The following MAP2K4 variants were observed in gnomAD, a reference collection of about 807,000 sequenced individuals.
MAP2K4 encodes dual specificity mitogen-activated protein kinase kinase 4.
A neutral mutation model predicts 48.5 loss-of-function variants in MAP2K4; 4 were observed. That is an observed-to-expected ratio of 0.08 (90% CI 0.04 to 0.19). The LOEUF (loss-of-function observed/expected upper bound fraction) is 0.19. Ranked by LOEUF, MAP2K4 falls within the 10% of genes least tolerant of loss-of-function variation. The pLI, the probability that MAP2K4 is intolerant of heterozygous loss-of-function variation, is 1.00. For missense variants in MAP2K4, 258 were observed against 493.3 expected (o/e 0.52, Z 4.52); for synonymous variants, 166 against 173.1 (o/e 0.96, Z 0.32).
At chr17:12,123,831 C>A (rs1972769109) in intron 7 of MAP2K4, among the ~76,000 whole-genome samples, 1 of 152,102 alleles carries the variant, frequency 6.6e-6, no homozygotes, top group Non-Finnish European at 1.5e-5. Context: ...GAGGACTTTG[C>A]AGATATCTTC....
chr17:12,042,148 C>T (rs1405507536), intron 1 of MAP2K4, among the ~76,000 whole-genome samples: 2 of 31,748 alleles, frequency 6.3e-5, no homozygotes, highest in Non-Finnish European at 1.2e-4. Context: ...GCCTGGGCAA[C>T]AAGAACGAAA....
At chr17:12,115,967 G>A (rs1029156737) in intron 7 of MAP2K4, 17 of 419,004 alleles carry the variant, frequency 4.1e-5, no homozygotes, top group Non-Finnish European at 2.7e-5. Flanking sequence ...CTCTTTTCTC[G>A]TTCTTTTTAA....
intron 9 of MAP2K4, among the ~76,000 whole-genome samples, chr17:12,133,739 T>C (rs1395946507): frequency 6.6e-6 from 1 of 152,148 alleles, no homozygotes; most frequent in Non-Finnish European, 1.5e-5. Flanking sequence ...AATCCAAAAT[T>C]TATCGTGTGC....
At chr17:12,085,906 G>A (rs1398066444) in intron 3 of MAP2K4, among the ~76,000 whole-genome samples, 1 of 152,086 alleles carries the variant, frequency 6.6e-6, no homozygotes, top group Admixed American at 6.5e-5. Context: ...TCCTGCCACT[G>A]GAGAGACCAT....
chr17:12,081,801 C>T lies in MAP2K4; in HGVS notation c.393+271C>T, dbSNP rs1281277537. ...ATGTTTTAAACTTCAGGCCCTTCTA[C>T]TGCCAAGGTGAGTTCAGGCTGGGCG... On this transcript the variant is annotated intron_variant, in intron 3 of 10. Transcript: ENST00000353533. This position sits in a 1 kb window ranked among gnomAD's most constrained non-coding sequence, Gnocchi z 4.2. The T allele has an allele frequency of 6.2e-6, 3 of 484,086 alleles. No homozygotes were observed. Among genetic ancestry groups the T allele is most frequent in the African/African-American group, 5.8e-5 (3 of 51,534 alleles). 30.0% of individuals were successfully genotyped at this position (484,086 alleles called of 1,614,324 possible). A position where few individuals can be genotyped will look rare whatever the true frequency, so the allele number is the denominator to read the frequency against.
At chr17:12,036,748 T>A (rs1268189868) in intron 1 of MAP2K4, 1 of 152,030 alleles carries the variant, frequency 6.6e-6, no homozygotes, top group Admixed American at 6.6e-5. Context: ...CATTTAAAGA[T>A]CTTTGGGCAT....
At chr17:12,034,067 C>T (rs890904817) in intron 1 of MAP2K4, among the ~76,000 whole-genome samples, 12 of 152,304 alleles carry the variant, frequency 7.9e-5, no homozygotes, top group Admixed American at 3.9e-4. Context: ...AGATTACAGG[C>T]ATGAGCTACC....
intron 4 of MAP2K4, among the ~76,000 whole-genome samples, chr17:12,098,345 G>A (rs562011078): frequency 6.6e-5 from 10 of 152,064 alleles, no homozygotes; most frequent in African/African-American, 1.9e-4. Context: ...AGGCGTGGTG[G>A]CACATGCCTG....
chr17:12,115,842 A>G, intron 7 of MAP2K4: 1 of 710,132 alleles, frequency 1.4e-6, no homozygotes, highest in Non-Finnish European at 2.7e-6. Context: ...CGATGGGAGA[A>G]TAAAACCATG....
intron 4 of MAP2K4, among the ~76,000 whole-genome samples, chr17:12,105,251 G>A (rs1439180877): frequency 6.6e-6 from 1 of 152,002 alleles, no homozygotes; most frequent in Non-Finnish European, 1.5e-5. Context: ...GATTAATTTG[G>A]GAGAATTTGA....
chr17:12,081,205 A>G lies in MAP2K4; in HGVS notation c.219-151A>G, dbSNP rs1971176460. The G allele has an allele frequency of 3.6e-6, 2 of 548,768 alleles. No homozygotes were observed. Among genetic ancestry groups the G allele is most frequent in the African/African-American group, 1.9e-5 (1 of 52,344 alleles). The allele number at this position is 548,768 out of a possible 1,614,324, so 34.0% of individuals were successfully genotyped here. ...TTCTTAATCCAGTGTGTAAAAAACCAGGATGACACAAATGAAAAACTTCAA... is the reference window on the plus strand; with the variant it reads ...TTCTTAATCCAGTGTGTAAAAAACCGGGATGACACAAATGAAAAACTTCAA... On this transcript the variant is annotated intron_variant, in intron 2 of 10. Transcript: ENST00000353533. The surrounding 1 kb of genome is among the most constrained non-coding windows in gnomAD (Gnocchi z 4.2).
chr17:12,126,368 AT>A (rs1166095864), intron 8 of MAP2K4, among the ~76,000 whole-genome samples: 2 of 152,222 alleles, frequency 1.3e-5, no homozygotes, highest in Non-Finnish European at 2.9e-5. Context: ...AAATATCTGT[AT>A]TAGTTCAGGC....
chr17:12,100,392 A>G lies in MAP2K4; in HGVS notation c.513+4698A>G, dbSNP rs117673466. On this transcript the variant is annotated intron_variant, in intron 4 of 10. Transcript: ENST00000353533. ...ATTATCTTGCATTTATCAGTCATTT[A>G]TTTCTTTGTATTGCCAAGTACTATC... 3.7e-3 allele frequency among the ~76,000 whole-genome samples: 569 copies of G among 152,016 alleles called. 1 individual carries two copies. The highest frequency in any genetic ancestry group is 5.4e-3 in the Non-Finnish European group (364 of 67,952).
chr17:12,035,970 T>C (rs1969583542), intron 1 of MAP2K4, among the ~76,000 whole-genome samples: 1 of 152,282 alleles, frequency 6.6e-6, no homozygotes, highest in South Asian at 2.1e-4. Flanking sequence ...TGGAGTTTTA[T>C]TGGAGATGTG....
At chr17:12,115,159 TA>T (rs911521035) in intron 7 of MAP2K4, among the ~76,000 whole-genome samples, 3 of 152,310 alleles carry the variant, frequency 2.0e-5, no homozygotes, top group Non-Finnish European at 4.4e-5. Context: ...TTGTGCAACA[TA>T]AAAAAGTAAA....
intron 1 of MAP2K4, among the ~76,000 whole-genome samples, chr17:12,029,771 A>G (rs1969374329): frequency 6.6e-6 from 1 of 152,010 alleles, no homozygotes; most frequent in Admixed American, 6.6e-5. Flanking sequence ...CAAAAACAAA[A>G]AACAAAAAAC....
chr17:12,081,496 T>C lies in MAP2K4; in HGVS notation c.359T>C (p.Val120Ala), dbSNP rs1971183983. 2 of 1,614,092 alleles carry C rather than the reference T, an allele frequency of 1.2e-6. No homozygotes were observed. The highest frequency in any genetic ancestry group is 1.7e-6 in the Non-Finnish European group (2 of 1,180,010). ...RGAYGSVNKM[V>A]HKPSGQIMAV... ...GCTTATGGTTCTGTCAACAAAATGG[T>C]CCACAAACCAAGTGGGCAAATAATG... is the stretch of plus-strand genomic sequence containing the variant. Residue 120 changes from valine to alanine, a missense_variant, in exon 3 of 11, where the codon GTC becomes GCC. Around this residue, in one of 3 missense-constraint regions of MAP2K4, gnomAD observed 132 missense variants for 352.8 expected, o/e 0.37. Transcript: ENST00000353533. The surrounding 1 kb of genome is among the most constrained non-coding windows in gnomAD (Gnocchi z 4.2).
At chr17:12,110,059 G>A (rs551939996) in intron 5 of MAP2K4, among the ~76,000 whole-genome samples, 283 of 139,500 alleles carry the variant, frequency 2.0e-3, no homozygotes, top group Non-Finnish European at 2.6e-3. Flanking sequence ...AATAAAAAGG[G>A]AAAAAAAAAA....
At chr17:12,093,676 A>G (rs1453704734) in intron 3 of MAP2K4, among the ~76,000 whole-genome samples, 1 of 152,210 alleles carries the variant, frequency 6.6e-6, no homozygotes, top group African/African-American at 2.4e-5. Context: ...ATAGAAAAAA[A>G]TACATTTGTT....
Sources: gnomAD v4.1 joint callset for allele counts (sites outside exome capture counted in the v4.1 genomes callset) on GRCh38, gnomAD v4.1.1 for gene constraint, gnomAD v4.1.1 regional missense constraint, Gnocchi (gnomAD v3.1) non-coding constraint, MANE v1.5 for transcripts, NCBI Gene and HGNC (gene_info 2026-07-23, HGNC 2026-07-21) for gene names.